FBXO34: variants seen among roughly 807,000 people sequenced by gnomAD.
FBXO34 encodes the protein F-box only protein 34.
FBXO34 carries 12 observed loss-of-function variants against 24.5 expected under a neutral mutation model. The observed-to-expected ratio is 0.49, with a 90% CI of 0.31 to 0.79. FBXO34 has a LOEUF of 0.79. Among genes scored for constraint, FBXO34 ranks in the 30% least tolerant of loss-of-function variants. FBXO34 has a pLI of 0.04. For missense variants in FBXO34, 823 were observed against 857.7 expected (o/e 0.96, Z 0.51); for synonymous variants, 320 against 311.9 (o/e 1.03, Z -0.27).
At chr14:55,286,561 A>G (rs940014994) in intron 1 of FBXO34, among the ~76,000 whole-genome samples, 39 of 152,132 alleles carry the variant, frequency 2.6e-4, no homozygotes, top group African/African-American at 9.2e-4. Context: ...CTGAAATTCT[A>G]CTTTATGGAA....
At chr14:55,354,744 CT>C (rs1247551557), downstream of FBXO34, among the ~76,000 whole-genome samples, 2 of 152,266 alleles carry the variant, frequency 1.3e-5, no homozygotes, top group Admixed American at 6.5e-5. Context: ...CCTCCCAGGG[CT>C]TCATTTCTAG....
chr14:55,417,769 C>A, the FBXO34 span, among the ~76,000 whole-genome samples: 3 of 152,164 alleles, frequency 2.0e-5, no homozygotes, highest in African/African-American at 4.8e-5. Context: ...CTTACCATTC[C>A]TTTTCTTCAG....
the FBXO34 span, among the ~76,000 whole-genome samples, chr14:55,430,695 C>A: frequency 1.3e-5 from 2 of 152,210 alleles, no homozygotes; most frequent in Non-Finnish European, 2.9e-5. Context: ...CTGCACATGG[C>A]CATCTGTTGA....
At chr14:55,414,094 A>G in the FBXO34 span, 2 of 563,272 alleles carry the variant, frequency 3.6e-6, no homozygotes, top group Non-Finnish European at 6.8e-6. Context: ...CCTTCCGGCT[A>G]AAAGGAAACG....
At chr14:55,391,062 T>A in the FBXO34 span, 1 of 1,000,696 alleles carries the variant, frequency 1.0e-6, no homozygotes. Flanking sequence ...CTACCTGGGA[T>A]CACTGCTTAT....
chr14:55,441,627 T>C, the FBXO34 span, among the ~76,000 whole-genome samples: 5 of 152,174 alleles, frequency 3.3e-5, no homozygotes, highest in Admixed American at 3.3e-4. Context: ...TGCTGCACAG[T>C]TAGGGTTGAG....
intron 1 of FBXO34, among the ~76,000 whole-genome samples, chr14:55,302,497 C>G (rs1214794240): frequency 7.6e-6 from 1 of 132,306 alleles, no homozygotes; most frequent in Non-Finnish European, 1.6e-5. Context: ...CACTATGTTG[C>G]TCAGGTTGGT....
chr14:55,311,913 A>C (rs913007747), intron 1 of FBXO34, among the ~76,000 whole-genome samples: 1 of 152,056 alleles, frequency 6.6e-6, no homozygotes, highest in Admixed American at 6.6e-5. Flanking sequence ...TAAATCTTAA[A>C]GTTCTGGCCA....
chr14:55,311,697 G>T (rs1202658858), intron 1 of FBXO34, among the ~76,000 whole-genome samples: 4 of 152,124 alleles, frequency 2.6e-5, no homozygotes, highest in Admixed American at 2.0e-4. Flanking sequence ...CCAAAATCTG[G>T]CTGGGCAGTC....
chr14:55,297,090 C>T (rs900049391), intron 1 of FBXO34, among the ~76,000 whole-genome samples: 6 of 152,152 alleles, frequency 3.9e-5, no homozygotes, highest in African/African-American at 1.4e-4. Flanking sequence ...CTGCCCTTTA[C>T]AGTACACGTG....
chr14:55,340,937 A>T (rs1883970008), intron 1 of FBXO34, among the ~76,000 whole-genome samples: 1 of 152,240 alleles, frequency 6.6e-6, no homozygotes, highest in Admixed American at 6.5e-5. Context: ...AAAGTACTGC[A>T]AGTGATGTCA....
chr14:55,299,067 G>C (rs548473199), intron 1 of FBXO34: 3 of 1,543,422 alleles, frequency 1.9e-6, no homozygotes, highest in East Asian at 2.2e-5. Flanking sequence ...GAAACCTGTA[G>C]GGTTTGGAGA....
downstream of FBXO34, among the ~76,000 whole-genome samples, chr14:55,365,657 A>C (rs1455703456): frequency 1.3e-5 from 2 of 152,194 alleles, no homozygotes; most frequent in Non-Finnish European, 2.9e-5. Context: ...AGATGGGAGC[A>C]TGCTTTAAAC....
the FBXO34 span, among the ~76,000 whole-genome samples, chr14:55,380,154 G>A: frequency 6.6e-6 from 1 of 152,072 alleles, no homozygotes; most frequent in Non-Finnish European, 1.5e-5. Context: ...AGGCTGAGGA[G>A]GGAGGATTGC....
In FBXO34 at chr14:55,345,277, T is replaced by C. The variant is rs72717717; in HGVS notation, c.-10-5104T>C. 8.8e-3 allele frequency among the ~76,000 whole-genome samples: 1,348 copies of C among 152,338 alleles called. 19 individuals carry two copies. The highest frequency in any genetic ancestry group is 0.014 in the Non-Finnish European group (928 of 68,024). On this transcript the variant is annotated intron_variant, in intron 1 of 1. Coordinates refer to ENST00000313833, the MANE Select transcript of FBXO34 (RefSeq NM_017943.4). ...GACTCCTCTCCCTCATCCTCCATTT[T>C]CAGTCAGTAGTTAGAAACCTTCTTG... is the stretch of plus-strand genomic sequence containing the variant.
At chr14:55,284,187 CTG>C (rs1881670982) in intron 1 of FBXO34, among the ~76,000 whole-genome samples, 1 of 151,996 alleles carries the variant, frequency 6.6e-6, no homozygotes, top group African/African-American at 2.4e-5. Context: ...ATTTTTAAGA[CTG>C]TAGGGTATAA....
In FBXO34 at chr14:55,351,472, A is replaced by AG; in HGVS notation, c.1084dup (p.Glu362GlyfsTer43). The AG allele has an allele frequency of 6.2e-7, 1 of 1,614,138 alleles. No individual in the cohort carries two copies. Among genetic ancestry groups the AG allele is most frequent in the Non-Finnish European group, 8.5e-7 (1 of 1,180,026 alleles). On this transcript the variant is annotated frameshift_variant, in exon 2 of 2. Coordinates refer to ENST00000313833, the MANE Select transcript of FBXO34 (RefSeq NM_017943.4). LOFTEE classifies it low-confidence loss of function (END_TRUNC). ...TCAAGAGCTGATCGTTGTTCTCCTA[A>AG]GGAGGACCAGGCCTGGGACGGTGCT...
the FBXO34 span, among the ~76,000 whole-genome samples, chr14:55,415,577 A>G: frequency 6.6e-6 from 1 of 152,208 alleles, no homozygotes; most frequent in African/African-American, 2.4e-5. Context: ...AACAATTTAT[A>G]GTGTAGGCGG....
chr14:55,366,276 C>A (rs144150503), downstream of FBXO34: 4 of 152,640 alleles, frequency 2.6e-5, no homozygotes, highest in East Asian at 7.7e-4. Flanking sequence ...CAAAAAAATT[C>A]TACAAACTTC....
Sources: allele counts gnomAD v4.1 joint callset (sites outside exome capture counted in the v4.1 genomes callset), GRCh38; gene constraint gnomAD v4.1.1; transcripts MANE v1.5; gene names NCBI Gene and HGNC (gene_info 2026-07-23, HGNC 2026-07-21).